ADD2: variants seen among roughly 807,000 people sequenced by gnomAD.
ADD2 encodes beta-adducin.
A neutral mutation model predicts 83.0 loss-of-function variants in ADD2; 23 were observed. That is an observed-to-expected ratio of 0.28 (90% confidence interval 0.20 to 0.39). ADD2 has a LOEUF of 0.39. Ranked by LOEUF, ADD2 falls within the 10% of genes least tolerant of loss-of-function variation. ADD2 has a pLI of 1.00. For synonymous variants in ADD2, 375 were observed against 375.4 expected (o/e 1.00, Z 0.01); for missense variants, 758 against 944.9 (o/e 0.80, Z 2.59).
At chr2:70,700,886 A>C (rs1671552611) in intron 4 of ADD2, among the ~76,000 whole-genome samples, 1 of 152,090 alleles carries the variant, frequency 6.6e-6, no homozygotes, top group African/African-American at 2.4e-5. Context: ...CAGCAAAATA[A>C]ATTTTAAAAC....
intron 8 of ADD2, among the ~76,000 whole-genome samples, chr2:70,688,381 G>A (rs1574244607): frequency 6.6e-6 from 1 of 152,258 alleles, no homozygotes. Flanking sequence ...CAACGCCTGG[G>A]TTTTTATGCA....
At chr2:70,752,240 A>G (rs1461628265) in intron 1 of ADD2, among the ~76,000 whole-genome samples, 3 of 152,164 alleles carry the variant, frequency 2.0e-5, no homozygotes, top group Non-Finnish European at 4.4e-5. Context: ...AAGAGAATAA[A>G]TTGGGTTTTT....
At position 70,659,365 on chromosome 2, in the gene ADD2, A is replaced by G. The variant is rs1675466026; in HGVS notation, c.*4060T>C. ...TAGCATTTTCCCCCACACTAGCAGT[A>G]GCCCTGCTACAACAATGCCAAACAT... On this transcript the variant is annotated 3_prime_UTR_variant, in exon 16 of 16. Transcript: ENST00000264436. 6.6e-6 allele frequency: 1 copy of G among 152,202 alleles called. No individual in the cohort carries two copies. 9.4% of individuals were successfully genotyped at this position (152,202 alleles called of 1,614,324 possible).
chr2:70,700,653 G>A (rs1248553564), intron 4 of ADD2, among the ~76,000 whole-genome samples: 1 of 151,998 alleles, frequency 6.6e-6, no homozygotes, highest in Non-Finnish European at 1.5e-5. Context: ...TCCAAGAATT[G>A]GCTTATGTGA....
At chr2:70,682,002 G>A (rs1186908763) in intron 10 of ADD2, among the ~76,000 whole-genome samples, 1 of 152,100 alleles carries the variant, frequency 6.6e-6, no homozygotes, top group Admixed American at 6.5e-5. Context: ...TTACAGGTAT[G>A]AGCCACCATA....
At chr2:70,674,104 G>C (rs938880025) in intron 14 of ADD2, among the ~76,000 whole-genome samples, 21 of 152,262 alleles carry the variant, frequency 1.4e-4, no homozygotes, top group Admixed American at 1.2e-3. Context: ...TGACAGGGAG[G>C]CCCTTCCTAG....
chr2:70,727,676 C>T (rs906985194), intron 1 of ADD2, among the ~76,000 whole-genome samples: 2 of 152,088 alleles, frequency 1.3e-5, no homozygotes, highest in Non-Finnish European at 2.9e-5. Context: ...GGGCAGATCA[C>T]TTGCAGTCAG....
chr2:70,730,967 T>C (rs1553379201), intron 1 of ADD2, among the ~76,000 whole-genome samples: 1 of 152,220 alleles, frequency 6.6e-6, no homozygotes, highest in East Asian at 1.9e-4. Context: ...AAACAATGCA[T>C]TTCTCAGAAC....
chr2:70,741,023 G>A (rs1673870528), intron 1 of ADD2, among the ~76,000 whole-genome samples: 1 of 152,102 alleles, frequency 6.6e-6, no homozygotes, highest in Non-Finnish European at 1.5e-5. Context: ...TTTTTTGATG[G>A]GTCCTTTAAA....
intron 4 of ADD2, among the ~76,000 whole-genome samples, chr2:70,698,995 C>T (rs1460923653): frequency 6.6e-6 from 1 of 152,104 alleles, no homozygotes; most frequent in Non-Finnish European, 1.5e-5. Flanking sequence ...CCCCTCTCCG[C>T]ATCCCTGACT....
chr2:70,765,258 C>A (rs535394623), intron 1 of ADD2, among the ~76,000 whole-genome samples: 6 of 152,244 alleles, frequency 3.9e-5, no homozygotes, highest in Non-Finnish European at 7.3e-5. Context: ...GAGGCTGAGG[C>A]GTGAGAATCA....
chr2:70,672,656 A>G (rs1553367304), intron 15 of ADD2, among the ~76,000 whole-genome samples: 1 of 152,230 alleles, frequency 6.6e-6, no homozygotes, highest in African/African-American at 2.4e-5. Flanking sequence ...CCAGCCAGTA[A>G]CTTATTCTTC....
chr2:70,702,375 C>T (rs1034825621), intron 4 of ADD2, among the ~76,000 whole-genome samples: 2 of 152,054 alleles, frequency 1.3e-5, no homozygotes, highest in Non-Finnish European at 2.9e-5. Flanking sequence ...CCATGTTGGC[C>T]GGGCTGGTCT....
Position 70,677,883 on chromosome 2 carries a change from C to T in ADD2, c.1384-6G>A, listed in dbSNP as rs782492778. The T allele has an allele frequency of 1.9e-6, 3 of 1,614,142 alleles. No individual in the cohort carries two copies. The highest frequency in any genetic ancestry group is 2.2e-5 in the South Asian group (2 of 91,058). Reference sequence around the variant, plus strand: ...ACCTCGTCAGCCTTCATCCACTGCACAAACACAAGGTCATGGGGCTGAGGT... The same window carrying T: ...ACCTCGTCAGCCTTCATCCACTGCATAAACACAAGGTCATGGGGCTGAGGT... On this transcript the variant is annotated splice_polypyrimidine_tract_variant and splice_region_variant and intron_variant, in intron 11 of 15. Coordinates refer to ENST00000264436, the MANE Select transcript of ADD2 (RefSeq NM_001617.4).
intron 1 of ADD2, among the ~76,000 whole-genome samples, chr2:70,723,470 T>C (rs1314382100): frequency 6.6e-6 from 1 of 152,122 alleles, no homozygotes; most frequent in African/African-American, 2.4e-5. Flanking sequence ...CATCAAATGT[T>C]CTCAAGGGAA....
chr2:70,741,917 C>T (rs1673938288), intron 1 of ADD2, among the ~76,000 whole-genome samples: 1 of 150,694 alleles, frequency 6.6e-6, no homozygotes, highest in African/African-American at 2.4e-5. Flanking sequence ...TGTGGGCTCC[C>T]AGGCAAATCC....
At chr2:70,675,118 T>G in intron 13 of ADD2, 2 of 1,111,664 alleles carry the variant, frequency 1.8e-6, no homozygotes, top group Non-Finnish European at 1.1e-6. Flanking sequence ...TTTATTGCAA[T>G]CCCTTCTATG....
chr2:70,723,438 C>A (rs1257783999), intron 1 of ADD2, among the ~76,000 whole-genome samples: 33 of 151,448 alleles, frequency 2.2e-4, no homozygotes, highest in Admixed American at 2.1e-3. Context: ...AGTCAGCAAG[C>A]ACACATCTGG....
At chr2:70,677,201 C>A (rs531880323) in intron 12 of ADD2, among the ~76,000 whole-genome samples, 1 of 152,006 alleles carries the variant, frequency 6.6e-6, no homozygotes, top group Non-Finnish European at 1.5e-5. Context: ...AGGCACCCCC[C>A]ACCATTGAAT....
Sources: gnomAD v4.1 joint callset for allele counts (sites outside exome capture counted in the v4.1 genomes callset) on GRCh38, gnomAD v4.1.1 for gene constraint, MANE v1.5 for transcripts, NCBI Gene and HGNC (gene_info 2026-07-23, HGNC 2026-07-21) for gene names.